The following SEMA3E variants were observed in gnomAD, a reference collection of about 807,000 sequenced individuals.
SEMA3E encodes semaphorin-3E.
In SEMA3E, 49 loss-of-function variants were observed where a neutral mutation model predicts 93.6. That is an observed-to-expected ratio of 0.52 (90% CI 0.42 to 0.66). SEMA3E has a LOEUF of 0.66. SEMA3E is among the 30% of genes least tolerant of loss of function. The probability of loss-of-function intolerance (pLI) is 0.00; values close to 1 mark genes in which losing one functional copy is unlikely to be tolerated. For synonymous variants in SEMA3E, 363 were observed against 330.7 expected, an observed-to-expected ratio of 1.10 and a Z score of -1.06; for missense variants, 906 against 964.8, an observed-to-expected ratio of 0.94 and a Z score of 0.81.
At chr7:83,581,785 C>T (rs1429959799) in intron 1 of SEMA3E, among the ~76,000 whole-genome samples, 5 of 151,864 alleles carry the variant, frequency 3.3e-5, no homozygotes. Flanking sequence ...GACTAAAACT[C>T]CCTGTGAAAC....
intron 4 of SEMA3E, among the ~76,000 whole-genome samples, chr7:83,448,477 A>T (rs1789284192): frequency 6.6e-6 from 1 of 152,144 alleles, no homozygotes; most frequent in Non-Finnish European, 1.5e-5. Context: ...TTGCCACTAT[A>T]TTGAAGTCTG....
intron 1 of SEMA3E, among the ~76,000 whole-genome samples, chr7:83,602,606 T>C (rs1305267533): frequency 3.3e-5 from 5 of 152,046 alleles, no homozygotes; most frequent in Non-Finnish European, 7.4e-5. Context: ...GCCTCCCAAG[T>C]AGCTGGGACT....
At chr7:83,459,393 A>G (rs534487615) in intron 4 of SEMA3E, among the ~76,000 whole-genome samples, 1 of 152,324 alleles carries the variant, frequency 6.6e-6, no homozygotes, top group Admixed American at 6.5e-5. Context: ...TTTCAAATAA[A>G]TGAAACTGAA....
Position 83,648,339 on chromosome 7 carries a change from G to A in SEMA3E, c.115+89C>T, listed in dbSNP as rs1056443907. On this transcript the variant is annotated intron_variant, in intron 1 of 16. Transcript: ENST00000643230. The stretch of plus-strand genomic sequence containing the variant: ...TTTTAAAGGTCTTTGAAGACCATAA[G>A]CCTATGTTAATGTTAAACGACTTTT... 4.4e-6 allele frequency: 4 copies of A among 905,744 alleles called. No individual in the cohort carries two copies. The African/African-American group carries it at 5.1e-5, about 12-fold the overall frequency. The allele number at this position is 905,744 out of a possible 1,614,324, so 56.1% of individuals were successfully genotyped here.
At chr7:83,617,447 T>TTTTATATAAATAATATATAA (rs1366883608) in intron 1 of SEMA3E, among the ~76,000 whole-genome samples, 27 of 71,612 alleles carry the variant, frequency 3.8e-4, no homozygotes, top group African/African-American at 1.4e-3. Flanking sequence ...TTTATATAAA[T>TTTTATATAAATAATATATAA]TTTATATAAA....
intron 4 of SEMA3E, among the ~76,000 whole-genome samples, chr7:83,461,652 A>T (rs1420448236): frequency 2.0e-5 from 3 of 152,306 alleles, no homozygotes; most frequent in South Asian, 2.1e-4. Flanking sequence ...TTACAGCCCT[A>T]GACCCTAAAA....
At chr7:83,518,309 T>A (rs2115675983) in intron 1 of SEMA3E, among the ~76,000 whole-genome samples, 1 of 151,690 alleles carries the variant, frequency 6.6e-6, no homozygotes, top group South Asian at 2.1e-4. Context: ...AATGTGTTCA[T>A]TAGCTCAGAA....
At chr7:83,493,516 ACTT>A (rs1790425332) in intron 1 of SEMA3E, among the ~76,000 whole-genome samples, 1 of 151,942 alleles carries the variant, frequency 6.6e-6, no homozygotes, top group South Asian at 2.1e-4. Flanking sequence ...TTATGAAGAT[ACTT>A]CTTAGAAACA....
intron 2 of SEMA3E, among the ~76,000 whole-genome samples, chr7:83,487,682 CGT>C (rs71074667): frequency 0.029 from 4,210 of 144,464 alleles, 161 homozygotes; most frequent in African/African-American, 0.088. Flanking sequence ...GGCAGGAGGT[CGT>C]GTGTGTGTGT....
chr7:83,390,852 C>T (rs1004204546), intron 14 of SEMA3E, among the ~76,000 whole-genome samples: 3 of 152,146 alleles, frequency 2.0e-5, no homozygotes, highest in African/African-American at 7.2e-5. Flanking sequence ...TTGTCCACCA[C>T]ATCTACTGTA....
At chr7:83,473,090 C>T (rs1238476945) in intron 2 of SEMA3E, among the ~76,000 whole-genome samples, 1 of 152,130 alleles carries the variant, frequency 6.6e-6, no homozygotes, top group Non-Finnish European at 1.5e-5. Context: ...GGACTAATAC[C>T]ACAAGCTACC....
intron 1 of SEMA3E, among the ~76,000 whole-genome samples, chr7:83,629,385 A>G (rs897540968): frequency 6.6e-6 from 1 of 152,104 alleles, no homozygotes; most frequent in Non-Finnish European, 1.5e-5. Context: ...AGGAACGTTT[A>G]AGTACAGCCA....
chr7:83,571,912 C>T (rs543841892), intron 1 of SEMA3E, among the ~76,000 whole-genome samples: 1 of 152,048 alleles, frequency 6.6e-6, no homozygotes, highest in Non-Finnish European at 1.5e-5. Flanking sequence ...ACATCAGTAG[C>T]ATTTTTATGC....
intron 1 of SEMA3E, among the ~76,000 whole-genome samples, chr7:83,518,813 C>T (rs1790986315): frequency 6.6e-6 from 1 of 152,046 alleles, no homozygotes; most frequent in African/African-American, 2.4e-5. Flanking sequence ...CTTCTCCTTT[C>T]TACTATTTCA....
chr7:83,514,481 A>T (rs1001214587), intron 1 of SEMA3E, among the ~76,000 whole-genome samples: 1 of 152,162 alleles, frequency 6.6e-6, no homozygotes, highest in African/African-American at 2.4e-5. Flanking sequence ...GGATCATTTT[A>T]AAAAGCTTTC....
intron 1 of SEMA3E, among the ~76,000 whole-genome samples, chr7:83,615,332 T>C (rs927945800): frequency 6.6e-6 from 1 of 152,104 alleles, no homozygotes; most frequent in Non-Finnish European, 1.5e-5. Flanking sequence ...GTTCAATTCA[T>C]ATGAGATTTT....
intron 2 of SEMA3E, among the ~76,000 whole-genome samples, chr7:83,487,873 G>A (rs1281753108): frequency 2.0e-5 from 3 of 152,080 alleles, no homozygotes; most frequent in Non-Finnish European, 4.4e-5. Flanking sequence ...CTGTAATCAT[G>A]AAAATGATAG....
intron 1 of SEMA3E, among the ~76,000 whole-genome samples, chr7:83,600,508 T>G (rs1584356399): frequency 7.5e-6 from 1 of 132,690 alleles, no homozygotes; most frequent in Non-Finnish European, 1.6e-5. Context: ...TTTTTTTTTT[T>G]TTTTTTTTTT....
chr7:83,432,298 G>A (rs1422870939), intron 4 of SEMA3E, among the ~76,000 whole-genome samples: 1 of 151,522 alleles, frequency 6.6e-6, no homozygotes, highest in African/African-American at 2.4e-5. Flanking sequence ...TGTGGCAATA[G>A]AGCATGGTTT....
Sources: allele counts gnomAD v4.1 joint callset (sites outside exome capture counted in the v4.1 genomes callset), GRCh38; gene constraint gnomAD v4.1.1; transcripts MANE v1.5; gene names NCBI Gene and HGNC (gene_info 2026-07-23, HGNC 2026-07-21).